The following CFAP57 variants were observed in gnomAD, a reference collection of about 807,000 sequenced individuals.
CFAP57 encodes the protein cilia and flagella associated protein 57.
Under a neutral mutation model 146.8 loss-of-function variants are expected in CFAP57, and 116 were observed. The ratio of observed to expected loss-of-function variants is 0.79; its 90% CI spans 0.68 to 0.92. The LOEUF (loss-of-function observed/expected upper bound fraction) is 0.92. CFAP57 is among the 40% of genes least tolerant of loss of function. The pLI is 0.00. For synonymous variants in CFAP57, 518 were observed against 552.8 expected (o/e 0.94, Z 0.88); for missense variants, 1,377 against 1,527.2 (o/e 0.90, Z 1.64).
intron 2 of CFAP57, among the ~76,000 whole-genome samples, chr1:43,181,259 A>G (rs1645393691): frequency 6.6e-6 from 1 of 152,036 alleles, no homozygotes; most frequent in Admixed American, 6.5e-5. Context: ...TTTAGTAGAG[A>G]TGGGGTTTCA....
At chr1:43,204,991 G>T (rs1300120075) in intron 9 of CFAP57, among the ~76,000 whole-genome samples, 2 of 152,160 alleles carry the variant, frequency 1.3e-5, no homozygotes, top group African/African-American at 4.8e-5. Flanking sequence ...GGCCCGTTGT[G>T]CCAGTGAGAC....
chr1:43,247,652 A>G (rs780945552), intron 22 of CFAP57, among the ~76,000 whole-genome samples: 12 of 151,934 alleles, frequency 7.9e-5, no homozygotes, highest in Admixed American at 1.3e-4. Context: ...TAATTATCCA[A>G]ATTTCTCCAA....
chr1:43,178,899 C>T (rs111495954), intron 2 of CFAP57, among the ~76,000 whole-genome samples: 1,693 of 152,126 alleles, frequency 0.011, 35 homozygotes, highest in African/African-American at 0.037. Context: ...TGTCCATCAA[C>T]GATAGACTGG....
rs187361947 is a variant in CFAP57, at chr1:43,206,697, G to A, written c.1543-23G>A. ...TGTAAGTGTGTGTACACTCTTCACT[G>A]GATATGTCTTCCTCTCCTGCAGATT... On this transcript the variant is annotated intron_variant, in intron 9 of 22. Transcript: ENST00000372492. 2.0e-4 allele frequency: 324 copies of A among 1,613,194 alleles called. 4 individuals carry two copies. In the East Asian group the frequency reaches 6.0e-3, roughly 30 times the overall value.
At chr1:43,225,333 T>C (rs1357269238) in intron 17 of CFAP57, among the ~76,000 whole-genome samples, 1 of 152,196 alleles carries the variant, frequency 6.6e-6, no homozygotes, top group Non-Finnish European at 1.5e-5. Context: ...AAGACCTAGG[T>C]AGTAAATATT....
intron 19 of CFAP57, among the ~76,000 whole-genome samples, chr1:43,233,487 T>TAA (rs79375692): frequency 0.083 from 11,496 of 139,098 alleles, 562 homozygotes; most frequent in East Asian, 0.2. Flanking sequence ...AGACTCCGTC[T>TAA]AAAAAAAAAA....
chr1:43,241,393 G>T (rs1310468585), intron 21 of CFAP57, among the ~76,000 whole-genome samples: 1 of 112,854 alleles, frequency 8.9e-6, no homozygotes, highest in African/African-American at 3.5e-5. Flanking sequence ...TGCTTTAGAT[G>T]AAGCATTTCT....
At chr1:43,233,131 TG>T (rs556159136) in intron 19 of CFAP57, among the ~76,000 whole-genome samples, 308 of 152,362 alleles carry the variant, frequency 2.0e-3, no homozygotes, top group African/African-American at 7.2e-3. Flanking sequence ...TTTCTGGATG[TG>T]GGCCAGGACA....
At chr1:43,235,522 T>C (rs377611810) in intron 21 of CFAP57, among the ~76,000 whole-genome samples, 1 of 152,278 alleles carries the variant, frequency 6.6e-6, no homozygotes, top group South Asian at 2.1e-4. Context: ...GCTTGGCCAG[T>C]TCATACACAG....
intron 18 of CFAP57, 147 bp from the exon 19 acceptor site, chr1:43,232,361 G>A (rs1645506642): frequency 1.5e-6 from 1 of 646,178 alleles, no homozygotes; most frequent in Non-Finnish European, 2.7e-6. Context: ...TAGAAGAAAG[G>A]TTTTGATCCA....
At chr1:43,215,702 A>AATGAAAC (rs1644807400) in intron 12 of CFAP57, among the ~76,000 whole-genome samples, 2 of 152,262 alleles carry the variant, frequency 1.3e-5, no homozygotes, top group Admixed American at 6.5e-5. Context: ...AACCAAGAAT[A>AATGAAAC]ATGAAACATA....
intron 2 of CFAP57, among the ~76,000 whole-genome samples, chr1:43,181,330 C>T (rs1373603020): frequency 6.6e-6 from 1 of 152,198 alleles, no homozygotes; most frequent in Non-Finnish European, 1.5e-5. Flanking sequence ...CCTCGGCCCC[C>T]TGAAGTGCCG....
intron 9 of CFAP57, among the ~76,000 whole-genome samples, chr1:43,206,044 G>A (rs537877558): frequency 2.6e-5 from 4 of 152,270 alleles, no homozygotes; most frequent in Admixed American, 2.0e-4. Flanking sequence ...GAGGGCAGAG[G>A]TACACTCATA....
At chr1:43,229,458 TG>T (rs2124596816) in intron 18 of CFAP57, among the ~76,000 whole-genome samples, 1 of 148,822 alleles carries the variant, frequency 6.7e-6, no homozygotes, top group African/African-American at 2.5e-5. Flanking sequence ...GGCTTCCCTC[TG>T]GGGGTCATAG....
chr1:43,210,932 TA>T (rs1644578094), intron 11 of CFAP57: 1 of 82,154 alleles, frequency 1.2e-5, no homozygotes, highest in Admixed American at 1.2e-4. Context: ...AAGTTATTCA[TA>T]GTGCAAAAAA....
chr1:43,234,118 CCCGT>C (rs1645587808), intron 19 of CFAP57, among the ~76,000 whole-genome samples, 157 bp from the exon 20 acceptor site: 1 of 151,992 alleles, frequency 6.6e-6, no homozygotes, highest in South Asian at 2.1e-4. Context: ...TGGCTGTGTG[CCCGT>C]CTAAGTTTCT....
rs1645777815 is a variant in CFAP57 at position 43,238,255 on chromosome 1, C to A, written c.3405+3617C>A. ...GTGAGGTACTGCCATATTCTAAAGG[C>A]ATCGACTCAGGCCATGCCATTAGGG... On this transcript the variant is annotated intron_variant, in intron 21 of 22. Coordinates refer to ENST00000372492, the MANE Select transcript of CFAP57 (RefSeq NM_001378189.1). The surrounding 1 kb of genome is among the most constrained non-coding windows in gnomAD (Gnocchi z 4.3). 6.6e-6 allele frequency among the ~76,000 whole-genome samples: 1 copy of A among 152,172 alleles called. No individual in the cohort carries two copies. The highest frequency in any genetic ancestry group is 2.1e-4 in the South Asian group (1 of 4,822).
In CFAP57 at chr1:43,201,260, C is replaced by T. The variant is rs377034998; in HGVS notation, c.1542+1757C>T. The stretch of plus-strand genomic sequence containing the variant: ...AAGAGACTGGTGAAAGAAGAGGAGC[C>T]GATGAAAGACTGAAAATAAAGATAC... On this transcript the variant is annotated intron_variant, in intron 9 of 22. Coordinates refer to ENST00000372492, the MANE Select transcript of CFAP57 (RefSeq NM_001378189.1). This position sits in a 1 kb window ranked among gnomAD's most constrained non-coding sequence, Gnocchi z 4.4. Among the ~76,000 whole-genome samples, 8 of 151,950 alleles carry T rather than the reference C, an allele frequency of 5.3e-5. No homozygotes were observed. The highest frequency in any genetic ancestry group is 6.5e-5 in the Admixed American group (1 of 15,268).
chr1:43,234,468 C>A (rs1240336958), intron 20 of CFAP57, 27 bp from the exon 21 acceptor site: 3 of 1,543,468 alleles, frequency 1.9e-6, no homozygotes, highest in Non-Finnish European at 2.6e-6. Flanking sequence ...TCCTCTCCCT[C>A]ACTGAGAATC....
Sources: allele counts gnomAD v4.1 joint callset (sites outside exome capture counted in the v4.1 genomes callset), GRCh38; gene constraint gnomAD v4.1.1; non-coding constraint Gnocchi (gnomAD v3.1); transcripts MANE v1.5; gene names NCBI Gene and HGNC (gene_info 2026-07-23, HGNC 2026-07-21).